STAG1: variants seen among roughly 807,000 people sequenced by gnomAD.
The protein encoded by STAG1 is cohesin subunit SA-1.
STAG1 carries 26 observed loss-of-function variants against 170.9 expected under a neutral mutation model. The ratio of observed to expected loss-of-function variants is 0.15; its 90% confidence interval spans 0.11 to 0.21. The LOEUF is 0.21. STAG1 is among the 10% of genes least tolerant of loss of function. The pLI is 1.00. For synonymous variants in STAG1, 514 were observed against 497.7 expected (o/e 1.03, Z -0.44); for missense variants, 964 against 1,509.5 (o/e 0.64, Z 5.99).
chr3:136,606,472 G>C (rs1477359322), intron 3 of STAG1, among the ~76,000 whole-genome samples: 1 of 152,152 alleles, frequency 6.6e-6, no homozygotes, highest in African/African-American at 2.4e-5. Context: ...ACAGGCATCA[G>C]CCACCACGAG....
At chr3:136,416,880 CTG>C (rs914265970) in intron 21 of STAG1, among the ~76,000 whole-genome samples, 3 of 142,260 alleles carry the variant, frequency 2.1e-5, no homozygotes, top group African/African-American at 8.0e-5. Context: ...GAGTCTCACT[CTG>C]TCACCAAGGC....
chr3:136,694,192 G>T (rs1480529743), intron 1 of STAG1, among the ~76,000 whole-genome samples: 1 of 152,110 alleles, frequency 6.6e-6, no homozygotes, highest in Non-Finnish European at 1.5e-5. Flanking sequence ...TAAATTCTTT[G>T]CAAGTTGATA....
chr3:136,734,403 G>A (rs1460430345), intron 1 of STAG1, among the ~76,000 whole-genome samples: 2 of 152,000 alleles, frequency 1.3e-5, no homozygotes, highest in East Asian at 3.8e-4. Context: ...ACTACCACCT[G>A]GACCTTTAAA....
At chr3:136,664,845 AATAT>A (rs1417973160) in intron 1 of STAG1, among the ~76,000 whole-genome samples, 5 of 152,244 alleles carry the variant, frequency 3.3e-5, no homozygotes, top group African/African-American at 1.2e-4. Context: ...TCCTTTCATG[AATAT>A]GGATGGGCAA....
intron 5 of STAG1, among the ~76,000 whole-genome samples, chr3:136,548,120 T>G (rs986812066): frequency 9.4e-5 from 13 of 138,882 alleles, no homozygotes; most frequent in African/African-American, 3.5e-4. Context: ...TTTTGTTTTG[T>G]TTTTTTTTTT....
At chr3:136,698,414 G>A (rs1255640979) in intron 1 of STAG1, among the ~76,000 whole-genome samples, 1 of 151,914 alleles carries the variant, frequency 6.6e-6, no homozygotes, top group Admixed American at 6.6e-5. Context: ...TAATCATCAG[G>A]GAAATGCAAA....
chr3:136,495,434 A>G (rs1478196986), intron 9 of STAG1, among the ~76,000 whole-genome samples: 1 of 152,216 alleles, frequency 6.6e-6, no homozygotes, highest in Non-Finnish European at 1.5e-5. Context: ...AAACTCATAA[A>G]CTGGGCCATA....
intron 1 of STAG1, among the ~76,000 whole-genome samples, chr3:136,714,940 TA>T: frequency 4.1e-5 from 1 of 24,568 alleles, no homozygotes; most frequent in African/African-American, 1.7e-4. Context: ...ATATATTAAA[TA>T]TATATATATA....
At chr3:136,719,800 T>C (rs1399077105) in intron 1 of STAG1, among the ~76,000 whole-genome samples, 1 of 151,934 alleles carries the variant, frequency 6.6e-6, no homozygotes, top group Non-Finnish European at 1.5e-5. Context: ...TCTTCCTAGA[T>C]GCAAAAGCAA....
At chr3:136,478,680 T>C (rs2089828328) in intron 9 of STAG1, among the ~76,000 whole-genome samples, 1 of 152,208 alleles carries the variant, frequency 6.6e-6, no homozygotes, top group Non-Finnish European at 1.5e-5. Flanking sequence ...CTCAGTTCTC[T>C]CTAGGCTCCT....
At chr3:136,342,888 G>T (rs1482559488) in intron 30 of STAG1, among the ~76,000 whole-genome samples, 1 of 152,170 alleles carries the variant, frequency 6.6e-6, no homozygotes, top group Non-Finnish European at 1.5e-5. Context: ...GGGGATATTG[G>T]TTAGGTCACC....
chr3:136,574,285 C>G (rs989094644), intron 4 of STAG1, among the ~76,000 whole-genome samples: 1 of 151,636 alleles, frequency 6.6e-6, no homozygotes, highest in Non-Finnish European at 1.5e-5. Context: ...AAGAGACACA[C>G]TTTTAATATA....
intron 15 of STAG1, among the ~76,000 whole-genome samples, chr3:136,439,448 T>A (rs926725379): frequency 2.2e-4 from 25 of 114,618 alleles, no homozygotes; most frequent in African/African-American, 7.5e-4. Context: ...ACACAAACAC[T>A]GTAAGACAGT....
At chr3:136,595,086 T>C (rs914930030) in intron 4 of STAG1, among the ~76,000 whole-genome samples, 2 of 152,330 alleles carry the variant, frequency 1.3e-5, no homozygotes, top group East Asian at 1.9e-4. Context: ...CCAACTTTTA[T>C]AGTTGATATC....
intron 10 of STAG1, 50 bp downstream of exon 10, chr3:136,477,239 G>A (rs773966190): frequency 2.6e-6 from 4 of 1,542,836 alleles, no homozygotes; most frequent in Non-Finnish European, 3.5e-6. Flanking sequence ...CAGCATTTTA[G>A]TACTGAGACA....
At chr3:136,657,189 C>CTTTTTTTTTTTTTTTT (rs67826395) in intron 1 of STAG1, among the ~76,000 whole-genome samples, 1 of 92,290 alleles carries the variant, frequency 1.1e-5, no homozygotes, top group African/African-American at 4.0e-5. Flanking sequence ...TTCTTTCTTT[C>CTTTTTTTTTTTTTTTT]TTTTTTTTTT....
At chr3:136,593,894 T>C (rs1412190741) in intron 4 of STAG1, among the ~76,000 whole-genome samples, 1 of 152,222 alleles carries the variant, frequency 6.6e-6, no homozygotes, top group Non-Finnish European at 1.5e-5. Flanking sequence ...TTTCTGTCTT[T>C]CAATGTGTTC....
intron 4 of STAG1, among the ~76,000 whole-genome samples, chr3:136,596,089 C>T (rs1938416620): frequency 6.6e-6 from 1 of 152,144 alleles, no homozygotes; most frequent in Non-Finnish European, 1.5e-5. Flanking sequence ...GAAATGGCAA[C>T]AAAGGATTCT....
chr3:136,470,204 C>T (rs2089588224), intron 12 of STAG1, among the ~76,000 whole-genome samples: 1 of 152,188 alleles, frequency 6.6e-6, no homozygotes, highest in Admixed American at 6.5e-5. Context: ...AGGCAACCTA[C>T]AGAATGGGAG....
Sources: gnomAD v4.1 joint callset for allele counts (sites outside exome capture counted in the v4.1 genomes callset) on GRCh38, gnomAD v4.1.1 for gene constraint, MANE v1.5 for transcripts, NCBI Gene and HGNC (gene_info 2026-07-23, HGNC 2026-07-21) for gene names.